Variants in IL18R1 observed in about 807,000 individuals in gnomAD.
The protein encoded by IL18R1 is interleukin-18 receptor 1.
IL18R1 carries 40 observed loss-of-function variants against 48.5 expected under a neutral mutation model. That is an observed-to-expected ratio of 0.82 (90% CI 0.64 to 1.07). The LOEUF is 1.07. IL18R1 is among the 50% of genes least tolerant of loss of function. The pLI is 0.00. For missense variants in IL18R1, 596 were observed against 633.7 expected (o/e 0.94, Z 0.64); for synonymous variants, 232 against 225.9 (o/e 1.03, Z -0.24).
intron 8 of IL18R1, among the ~76,000 whole-genome samples, chr2:102,388,221 C>G (rs569419462): frequency 3.3e-5 from 5 of 152,348 alleles, no homozygotes; most frequent in South Asian, 4.1e-4. Context: ...AGAGCCGCCT[C>G]TCTACCATAT....
At chr2:102,368,356 G>T (rs1679035980) in intron 3 of IL18R1, among the ~76,000 whole-genome samples, 1 of 152,214 alleles carries the variant, frequency 6.6e-6, no homozygotes. Flanking sequence ...TTAAAATTCA[G>T]CTGCTCCTGT....
At chr2:102,372,539 T>C (rs1316251512) in intron 4 of IL18R1, among the ~76,000 whole-genome samples, 2 of 152,228 alleles carry the variant, frequency 1.3e-5, no homozygotes, top group Non-Finnish European at 2.9e-5. Flanking sequence ...GCTTTTATAA[T>C]ATTTTAACTT....
intron 1 of IL18R1, among the ~76,000 whole-genome samples, chr2:102,358,586 T>G (rs1038716028): frequency 6.6e-6 from 1 of 152,152 alleles, no homozygotes; most frequent in Non-Finnish European, 1.5e-5. Flanking sequence ...AAATGTACTT[T>G]CCTGAGAATA....
intron 4 of IL18R1, among the ~76,000 whole-genome samples, 175 bp from the exon 5 acceptor site, chr2:102,375,732 G>T (rs139129183): frequency 6.6e-6 from 1 of 152,144 alleles, no homozygotes; most frequent in African/African-American, 2.4e-5. Flanking sequence ...CAATGGGATC[G>T]CATTTAATTG....
chr2:102,370,901 A>G (rs7579737), intron 3 of IL18R1, among the ~76,000 whole-genome samples: 44,332 of 152,126 alleles, frequency 0.29, 6,842 homozygotes, highest in Middle Eastern at 0.42. Context: ...CATAGAGGAT[A>G]ACTTAAAAAC....
At chr2:102,391,676 C>G (rs1269570132) in intron 9 of IL18R1, among the ~76,000 whole-genome samples, 1 of 152,202 alleles carries the variant, frequency 6.6e-6, no homozygotes, top group African/African-American at 2.4e-5. Flanking sequence ...ATTCACCCTC[C>G]CTACTGCCTT....
chr2:102,394,906 G>A (rs1220023128), intron 10 of IL18R1, among the ~76,000 whole-genome samples: 2 of 152,182 alleles, frequency 1.3e-5, no homozygotes, highest in East Asian at 3.8e-4. Flanking sequence ...GCCCAGAGCT[G>A]GCGTTATCAT....
At chr2:102,378,935 G>T (rs933548447) in intron 5 of IL18R1, among the ~76,000 whole-genome samples, 1 of 152,204 alleles carries the variant, frequency 6.6e-6, no homozygotes, top group African/African-American at 2.4e-5. Context: ...GGACAGAGAG[G>T]TTCTGAGCTC....
chr2:102,379,341 G>A (rs1296713514), intron 5 of IL18R1, among the ~76,000 whole-genome samples: 1 of 150,922 alleles, frequency 6.6e-6, no homozygotes, highest in African/African-American at 2.4e-5. Context: ...CTACTTGGGA[G>A]ACTGAGGCAG....
At chr2:102,369,381 G>A (rs564240915) in intron 3 of IL18R1, among the ~76,000 whole-genome samples, 9 of 152,326 alleles carry the variant, frequency 5.9e-5, no homozygotes, top group African/African-American at 1.7e-4. Flanking sequence ...CCTGGCTTAG[G>A]AAGCAACAAT....
At chr2:102,390,010 A>G in intron 8 of IL18R1, 46 bp from the exon 9 acceptor site, 2 of 1,596,830 alleles carry the variant, frequency 1.3e-6, no homozygotes, top group Non-Finnish European at 1.7e-6. Context: ...CAACACTGGT[A>G]AGATTTCTTG....
intron 1 of IL18R1, among the ~76,000 whole-genome samples, chr2:102,358,989 G>A (rs1168415143): frequency 6.6e-6 from 1 of 152,044 alleles, no homozygotes; most frequent in Non-Finnish European, 1.5e-5. Flanking sequence ...AACTAAACAT[G>A]GGAGGGTAGA....
chr2:102,376,179 C>T (rs1264185798), intron 5 of IL18R1, 116 bp downstream of exon 5: 1 of 709,348 alleles, frequency 1.4e-6, no homozygotes, highest in Non-Finnish European at 2.2e-6. Flanking sequence ...TGTGACCACA[C>T]CACTAGTTCA....
intron 5 of IL18R1, 129 bp from the exon 6 acceptor site, chr2:102,381,491 C>A: frequency 1.5e-6 from 1 of 683,800 alleles, no homozygotes. Flanking sequence ...GCAAATAGGA[C>A]TCAAGTGAAC....
rs539566614 is a variant in IL18R1, at chr2:102,368,384, T to C, written c.302+316T>C. Among the ~76,000 whole-genome samples the C allele has an allele frequency of 1.1e-4, 17 of 152,278 alleles. No homozygotes were observed. In the East Asian group the frequency reaches 3.3e-3, roughly 29 times the overall value. ...GCTCCTGTTGTCTACATGCCCCCAG[T>C]CAAATGAAATCAGCAGCTCGGACTT... is the stretch of plus-strand genomic sequence containing the variant. On this transcript the variant is annotated intron_variant, in intron 3 of 10. Coordinates refer to ENST00000233957, the MANE Select transcript of IL18R1 (RefSeq NM_003855.5).
chr2:102,373,264 G>A (rs1379028324), intron 4 of IL18R1, among the ~76,000 whole-genome samples: 2 of 152,060 alleles, frequency 1.3e-5, no homozygotes, highest in African/African-American at 4.8e-5. Flanking sequence ...TATACACCAT[G>A]GAATACTATA....
chr2:102,385,507 A>G (rs909810022), intron 7 of IL18R1, among the ~76,000 whole-genome samples: 1 of 152,230 alleles, frequency 6.6e-6, no homozygotes, highest in African/African-American at 2.4e-5. Context: ...GCTTTTCTGA[A>G]TGACTTTGGG....
chr2:102,364,745 T>C (rs1179424639), intron 2 of IL18R1, among the ~76,000 whole-genome samples: 4 of 152,164 alleles, frequency 2.6e-5, no homozygotes, highest in Admixed American at 1.3e-4. Context: ...AAAGAGACTT[T>C]ATTGATTCAC....
intron 9 of IL18R1, among the ~76,000 whole-genome samples, chr2:102,392,975 T>C (rs1490457493): frequency 6.6e-6 from 1 of 152,184 alleles, no homozygotes; most frequent in Non-Finnish European, 1.5e-5. Context: ...AAGAATTGCT[T>C]AAAATAAGGA....
Sources: gnomAD v4.1 joint callset for allele counts (sites outside exome capture counted in the v4.1 genomes callset) on GRCh38, gnomAD v4.1.1 for gene constraint, MANE v1.5 for transcripts, NCBI Gene and HGNC (gene_info 2026-07-23, HGNC 2026-07-21) for gene names.